Variants in TSPAN12 observed in about 807,000 individuals in gnomAD.
TSPAN12 encodes the protein tetraspanin-12.
In TSPAN12, 19 loss-of-function variants were observed where a neutral mutation model predicts 39.2. The observed-to-expected ratio is 0.49, with a 90% CI of 0.34 to 0.71. TSPAN12 has a LOEUF of 0.71. Ranked by LOEUF, TSPAN12 falls within the 30% of genes least tolerant of loss-of-function variation. The probability of loss-of-function intolerance (pLI) is 0.01; values close to 1 mark genes in which losing one functional copy is unlikely to be tolerated. For missense variants in TSPAN12, 314 were observed against 359.9 expected (o/e 0.87, Z 1.03); for synonymous variants, 119 against 124.8 (o/e 0.95, Z 0.31).
At position 120,847,245 on chromosome 7, in the gene TSPAN12, A is replaced by C. The variant is rs187921048; in HGVS notation, c.67-7136T>G. On this transcript the variant is annotated intron_variant, in intron 2 of 7. Coordinates refer to ENST00000222747, the MANE Select transcript of TSPAN12 (RefSeq NM_012338.4). The stretch of plus-strand genomic sequence containing the variant: ...AAGAGCTATATGACAAAAAAAAAAA[A>C]AACAAAAAACCAGAGTGAGACTCTC... Among the ~76,000 whole-genome samples the C allele has an allele frequency of 5.2e-4, 79 of 151,340 alleles. No individual in the cohort carries two copies. In the East Asian group the frequency reaches 0.011, roughly 21 times the overall value.
At chr7:120,798,238 T>G (rs1793670470) in intron 7 of TSPAN12, among the ~76,000 whole-genome samples, 1 of 152,068 alleles carries the variant, frequency 6.6e-6, no homozygotes, top group Non-Finnish European at 1.5e-5. Flanking sequence ...AGCCTGAAGA[T>G]AAAAAGGGAT....
At position 120,794,308 on chromosome 7, in the gene TSPAN12, T is replaced by C. The variant is rs138747499; in HGVS notation, c.613-5411A>G. Among the ~76,000 whole-genome samples, 506 of 152,308 alleles carry C rather than the reference T, an allele frequency of 3.3e-3. 5 individuals carry two copies. Among genetic ancestry groups the C allele is most frequent in the African/African-American group, 0.012 (496 of 41,562 alleles). ...AGCAGACAGGCGTTGATATAATTAG[T>C]ACATTTGTCCCCACCCAAGTCTCAT... On this transcript the variant is annotated intron_variant, in intron 7 of 7. Transcript: ENST00000222747.
At chr7:120,817,719 G>A (rs1300501342) in intron 4 of TSPAN12, among the ~76,000 whole-genome samples, 1 of 152,040 alleles carries the variant, frequency 6.6e-6, no homozygotes, top group Admixed American at 6.6e-5. Flanking sequence ...GAGAAAGAAC[G>A]AGCTCTCTGA....
intron 7 of TSPAN12, among the ~76,000 whole-genome samples, chr7:120,790,274 T>A (rs1289204908): frequency 6.6e-6 from 1 of 152,192 alleles, no homozygotes; most frequent in Admixed American, 6.5e-5. Flanking sequence ...GTATAATGGT[T>A]AAGATCATGA....
intron 7 of TSPAN12, among the ~76,000 whole-genome samples, chr7:120,789,541 C>A (rs1358407829): frequency 1.3e-5 from 2 of 152,164 alleles, no homozygotes; most frequent in Non-Finnish European, 2.9e-5. Flanking sequence ...AGACAACTCA[C>A]CAAAATTTAA....
chr7:120,856,257 T>C (rs1767960299), intron 2 of TSPAN12, among the ~76,000 whole-genome samples: 1 of 151,682 alleles, frequency 6.6e-6, no homozygotes, highest in Admixed American at 6.6e-5. Context: ...CACCACCACC[T>C]CCCCCTCGTC....
chr7:120,788,535 C>A lies in TSPAN12; in HGVS notation c.*57G>T, dbSNP rs543467869. The A allele has an allele frequency of 8.1e-6, 13 of 1,603,162 alleles. No homozygotes were observed. The African/African-American group carries it at 1.5e-4, about 18-fold the overall frequency. On this transcript the variant is annotated 3_prime_UTR_variant, in exon 8 of 8. Transcript: ENST00000222747. ...ATTTCTGAAACACATAGTATGTACT[C>A]AAAAATTCACAAGTCCAGTAAAACA...
chr7:120,790,257 C>T lies in TSPAN12; in HGVS notation c.613-1360G>A, dbSNP rs904462584. Among the ~76,000 whole-genome samples, 13 of 152,228 alleles carry T rather than the reference C, an allele frequency of 8.5e-5. No homozygotes were observed. In the South Asian group the frequency reaches 2.1e-3, roughly 24 times the overall value. ...CCCCAGAGGAACGATGCCACTTCAA[C>T]GGTATAGTATAATGGTTAAGATCAT... On this transcript the variant is annotated intron_variant, in intron 7 of 7. Coordinates refer to ENST00000222747, the MANE Select transcript of TSPAN12 (RefSeq NM_012338.4).
chr7:120,795,464 A>G (rs980867368), intron 7 of TSPAN12, among the ~76,000 whole-genome samples: 6 of 152,230 alleles, frequency 3.9e-5, no homozygotes, highest in Non-Finnish European at 7.3e-5. Flanking sequence ...TATACACTTG[A>G]AATTATTCTC....
chr7:120,797,049 C>G (rs1793646366), intron 7 of TSPAN12, among the ~76,000 whole-genome samples: 1 of 152,150 alleles, frequency 6.6e-6, no homozygotes, highest in South Asian at 2.1e-4. Flanking sequence ...CCCAGCTGCT[C>G]AGGAGGCTGA....
intron 2 of TSPAN12, among the ~76,000 whole-genome samples, chr7:120,851,803 T>C (rs1794774353): frequency 6.6e-6 from 1 of 152,206 alleles, no homozygotes; most frequent in Admixed American, 6.5e-5. Context: ...CACCATCTCC[T>C]ATGTGCTCCT....
chr7:120,856,825 G>A lies in TSPAN12; in HGVS notation c.-62C>T. The stretch of plus-strand genomic sequence containing the variant: ...CACATCCTACTCCCAAGGGCAAAAC[G>A]GCAGCGATCTGCAGGGGGCGGGGGA... On this transcript the variant is annotated 5_prime_UTR_variant, in exon 2 of 8. Transcript: ENST00000222747. 6.4e-7 allele frequency: 1 copy of A among 1,569,774 alleles called. No homozygotes were observed. Among genetic ancestry groups the A allele is most frequent in the East Asian group, 2.2e-5 (1 of 44,640 alleles).
At chr7:120,821,817 G>A (rs1255007803) in intron 4 of TSPAN12, among the ~76,000 whole-genome samples, 3 of 152,026 alleles carry the variant, frequency 2.0e-5, no homozygotes, top group Non-Finnish European at 4.4e-5. Context: ...TGAGAATGAC[G>A]GTGTATAAAA....
At chr7:120,823,044 T>C (rs1020445502) in intron 4 of TSPAN12, among the ~76,000 whole-genome samples, 10 of 152,260 alleles carry the variant, frequency 6.6e-5, no homozygotes, top group Admixed American at 3.3e-4. Context: ...TATAAAGCCA[T>C]TTCCAGGCAT....
At chr7:120,804,640 T>G (rs1478895929) in intron 7 of TSPAN12, among the ~76,000 whole-genome samples, 5 of 152,188 alleles carry the variant, frequency 3.3e-5, no homozygotes, top group Non-Finnish European at 7.4e-5. Context: ...TTCAACTGTT[T>G]GAATAATTCT....
chr7:120,797,223 A>G (rs10253785), intron 7 of TSPAN12, among the ~76,000 whole-genome samples: 7,299 of 152,306 alleles, frequency 0.048, 582 homozygotes, highest in African/African-American at 0.17. Flanking sequence ...AAGCAAAGCC[A>G]TGTGAGTTCC....
At chr7:120,830,675 C>G (rs1394328036) in intron 4 of TSPAN12, among the ~76,000 whole-genome samples, 2 of 151,924 alleles carry the variant, frequency 1.3e-5, no homozygotes, top group Admixed American at 1.3e-4. Context: ...AATGTAAGAC[C>G]TGAAACTGTA....
intron 4 of TSPAN12, among the ~76,000 whole-genome samples, chr7:120,820,294 T>TA (rs763407348): frequency 6.6e-6 from 1 of 152,186 alleles, no homozygotes; most frequent in Non-Finnish European, 1.5e-5. Context: ...TCAGTTTGCT[T>TA]ATCTGCCTGA....
intron 2 of TSPAN12, among the ~76,000 whole-genome samples, chr7:120,840,629 C>A (rs985111778): frequency 5.9e-5 from 9 of 152,158 alleles, no homozygotes; most frequent in African/African-American, 2.2e-4. Flanking sequence ...TAAACTCATA[C>A]ACATATATGT....
Sources: gnomAD v4.1 joint callset for allele counts (sites outside exome capture counted in the v4.1 genomes callset) on GRCh38, gnomAD v4.1.1 for gene constraint, MANE v1.5 for transcripts, NCBI Gene and HGNC (gene_info 2026-07-23, HGNC 2026-07-21) for gene names.